Variants in CRPPA observed in about 807,000 individuals in gnomAD.
CRPPA encodes D-ribitol-5-phosphate cytidylyltransferase.
In CRPPA, 43 loss-of-function variants were observed where a neutral mutation model predicts 52.0. That is an observed-to-expected ratio of 0.83 (90% CI 0.65 to 1.07). The LOEUF is 1.07. Ranked by LOEUF, CRPPA falls within the 50% of genes least tolerant of loss-of-function variation. CRPPA has a pLI of 0.00. For missense variants in CRPPA, 629 were observed against 551.7 expected, an observed-to-expected ratio of 1.14 and a Z score of -1.40; for synonymous variants, 250 against 203.5, an observed-to-expected ratio of 1.23 and a Z score of -1.94.
At chr7:16,414,407 T>C (rs1788144461) in intron 1 of CRPPA, among the ~76,000 whole-genome samples, 1 of 135,080 alleles carries the variant, frequency 7.4e-6, no homozygotes, top group African/African-American at 2.6e-5. Context: ...ACACACCCCA[T>C]GACACTTTCC....
intron 7 of CRPPA, 47 bp from the exon 8 acceptor site, chr7:16,258,529 G>C: frequency 9.3e-7 from 1 of 1,078,012 alleles, no homozygotes; most frequent in Non-Finnish European, 1.4e-6. Context: ...GTTTTTAAAT[G>C]ACTTAAAACT....
intron 9 of CRPPA, among the ~76,000 whole-genome samples, chr7:16,182,576 C>T (rs946414233): frequency 3.9e-5 from 6 of 152,018 alleles, no homozygotes; most frequent in Non-Finnish European, 5.9e-5. Flanking sequence ...CAGTTAAGAA[C>T]GAGGAACCTA....
chr7:16,398,494 T>A (rs552894868), intron 2 of CRPPA, among the ~76,000 whole-genome samples: 9 of 152,114 alleles, frequency 5.9e-5, no homozygotes, highest in Admixed American at 2.0e-4. Flanking sequence ...ATGACCTATA[T>A]CATTGGCACG....
At chr7:16,180,231 T>A (rs904220937) in intron 9 of CRPPA, among the ~76,000 whole-genome samples, 20 of 152,086 alleles carry the variant, frequency 1.3e-4, no homozygotes, top group African/African-American at 4.8e-4. Flanking sequence ...AATTGGTTTG[T>A]GGTGGGACCC....
chr7:16,090,070 G>C lies in CRPPA; in HGVS notation c.*1625C>G, dbSNP rs1340799892. The C allele has an allele frequency of 6.6e-6, 1 of 152,336 alleles. No homozygotes were observed. Among genetic ancestry groups the C allele is most frequent in the African/African-American group, 2.4e-5 (1 of 41,424 alleles). 9.4% of individuals were successfully genotyped at this position (152,336 alleles called of 1,614,324 possible). A position where few individuals can be genotyped will look rare whatever the true frequency, so the allele number is the denominator to read the frequency against. On this transcript the variant is annotated 3_prime_UTR_variant, in exon 10 of 10. Transcript: ENST00000407010. ...CAGCCGACATCTGAACAAAGGCACAGACATTCCTAACCACAATCCACACAT... is the reference window on the plus strand; with the variant it reads ...CAGCCGACATCTGAACAAAGGCACACACATTCCTAACCACAATCCACACAT...
At chr7:16,401,032 G>C (rs1343356543) in intron 2 of CRPPA, among the ~76,000 whole-genome samples, 2 of 152,184 alleles carry the variant, frequency 1.3e-5, no homozygotes, top group Non-Finnish European at 2.9e-5. Flanking sequence ...GAGGTTTCAT[G>C]ATAGAGGCAT....
At chr7:16,208,282 A>G (rs1782022046) in intron 9 of CRPPA, among the ~76,000 whole-genome samples, 1 of 152,204 alleles carries the variant, frequency 6.6e-6, no homozygotes. Context: ...TTTTTTAAAA[A>G]TAACTTATAC....
At chr7:16,124,097 C>G (rs1158768239) in intron 9 of CRPPA, among the ~76,000 whole-genome samples, 1 of 137,558 alleles carries the variant, frequency 7.3e-6, no homozygotes, top group Non-Finnish European at 1.5e-5. Flanking sequence ...CATATAGGCT[C>G]AATTTCTTTC....
At chr7:16,334,174 A>C (rs1248294770) in intron 3 of CRPPA, among the ~76,000 whole-genome samples, 2 of 152,186 alleles carry the variant, frequency 1.3e-5, no homozygotes, top group Non-Finnish European at 2.9e-5. Flanking sequence ...AGTGCAGTCC[A>C]TGGGTCTTCC....
chr7:16,327,116 T>G (rs924619350), intron 3 of CRPPA, among the ~76,000 whole-genome samples: 5 of 152,178 alleles, frequency 3.3e-5, no homozygotes, highest in African/African-American at 1.2e-4. Context: ...TCATAGGATC[T>G]TTACCAACAC....
intron 8 of CRPPA, among the ~76,000 whole-genome samples, chr7:16,255,315 T>C (rs187580832): frequency 2.3e-4 from 35 of 152,272 alleles, no homozygotes; most frequent in African/African-American, 7.5e-4. Flanking sequence ...TGGAAGAACA[T>C]TCCATGCTCA....
intron 4 of CRPPA, among the ~76,000 whole-genome samples, chr7:16,307,673 C>CAAAAAAAAAAAAAAAA (rs55682769): frequency 2.3e-5 from 1 of 44,344 alleles, no homozygotes; most frequent in African/African-American, 8.9e-5. Context: ...GAAACTCTGT[C>CAAAAAAAAAAAAAAAA]AAAAAAAAAA....
intron 9 of CRPPA, among the ~76,000 whole-genome samples, chr7:16,157,872 C>CT (rs200543846): frequency 0.048 from 6,999 of 146,460 alleles, 404 homozygotes; most frequent in East Asian, 0.3. Context: ...GTAGATATTT[C>CT]TTTTTTTTTT....
At chr7:16,099,391 G>T (rs547996638) in intron 9 of CRPPA, among the ~76,000 whole-genome samples, 1 of 120,648 alleles carries the variant, frequency 8.3e-6, no homozygotes, top group African/African-American at 3.1e-5. Context: ...GGAAGGGGAG[G>T]GGAGAAGGAA....
intron 9 of CRPPA, among the ~76,000 whole-genome samples, chr7:16,189,497 G>A (rs887573807): frequency 5.3e-5 from 8 of 152,296 alleles, no homozygotes; most frequent in Non-Finnish European, 7.4e-5. Context: ...AGATAGTTGA[G>A]CAAGAGCTAC....
At chr7:16,412,719 C>T (rs9886310) in intron 1 of CRPPA, among the ~76,000 whole-genome samples, 19,391 of 152,150 alleles carry the variant, frequency 0.13, 1,653 homozygotes, top group East Asian at 0.24. Flanking sequence ...AGAGATCTAG[C>T]TTACCTCTTA....
At chr7:16,131,183 G>T (rs538257439) in intron 9 of CRPPA, among the ~76,000 whole-genome samples, 3 of 152,326 alleles carry the variant, frequency 2.0e-5, no homozygotes, top group Admixed American at 6.5e-5. Flanking sequence ...AAAAAAAGTG[G>T]AAGAGACTTT....
intron 3 of CRPPA, among the ~76,000 whole-genome samples, chr7:16,310,306 T>A (rs117312766): frequency 2.0e-5 from 3 of 152,122 alleles, no homozygotes; most frequent in Non-Finnish European, 4.4e-5. Flanking sequence ...AGGACACTTA[T>A]CAGAGATCCC....
At chr7:16,390,379 C>G (rs1213352422) in intron 2 of CRPPA, among the ~76,000 whole-genome samples, 3 of 152,086 alleles carry the variant, frequency 2.0e-5, no homozygotes, top group Non-Finnish European at 4.4e-5. Context: ...TTTCTGTCTT[C>G]CTATGCTTTC....
Sources: gnomAD v4.1 joint callset for allele counts (sites outside exome capture counted in the v4.1 genomes callset) on GRCh38, gnomAD v4.1.1 for gene constraint, MANE v1.5 for transcripts, NCBI Gene and HGNC (gene_info 2026-07-23, HGNC 2026-07-21) for gene names.